The following NUMB variants were observed in gnomAD, a reference collection of about 807,000 sequenced individuals.
NUMB encodes protein numb homolog.
A neutral mutation model predicts 59.7 loss-of-function variants in NUMB; 29 were observed. The ratio of observed to expected loss-of-function variants is 0.49; its 90% confidence interval spans 0.36 to 0.66. The LOEUF (loss-of-function observed/expected upper bound fraction) is 0.66, where lower values mean the gene tolerates loss of function less well. Among genes scored for constraint, NUMB ranks in the 30% least tolerant of loss-of-function variants. NUMB has a pLI of 0.00. For missense variants in NUMB, 723 were observed against 822.0 expected (o/e 0.88, Z 1.47); for synonymous variants, 288 against 288.2 (o/e 1.00, Z 0.01).
chr14:73,434,225 C>G (rs78359992), intron 1 of NUMB, among the ~76,000 whole-genome samples: 1 of 152,142 alleles, frequency 6.6e-6, no homozygotes, highest in Non-Finnish European at 1.5e-5. Flanking sequence ...AGCTCTGGAG[C>G]CAAACTATCT....
intron 2 of NUMB, among the ~76,000 whole-genome samples, chr14:73,379,254 G>GT (rs1895114262): frequency 6.6e-6 from 1 of 152,060 alleles, no homozygotes; most frequent in African/African-American, 2.4e-5. Flanking sequence ...GGGAAAGCAC[G>GT]TAAGTGTTGC....
chr14:73,321,342 A>G (rs1279023206), intron 5 of NUMB, among the ~76,000 whole-genome samples: 1 of 152,152 alleles, frequency 6.6e-6, no homozygotes, highest in Non-Finnish European at 1.5e-5. Context: ...AGTATAAAAT[A>G]TTATTTAATG....
chr14:73,321,498 C>T (rs985876247), intron 5 of NUMB, among the ~76,000 whole-genome samples: 4 of 152,070 alleles, frequency 2.6e-5, no homozygotes, highest in Non-Finnish European at 5.9e-5. Flanking sequence ...CTCAGCCTCC[C>T]GAGTAACTGA....
At chr14:73,341,806 G>A (rs1892643885) in intron 4 of NUMB, among the ~76,000 whole-genome samples, 1 of 152,100 alleles carries the variant, frequency 6.6e-6, no homozygotes, top group Non-Finnish European at 1.5e-5. Context: ...TTTTTAAACT[G>A]TCATGAGTGA....
intron 4 of NUMB, among the ~76,000 whole-genome samples, chr14:73,330,645 G>A (rs1891921119): frequency 6.6e-6 from 1 of 152,156 alleles, no homozygotes; most frequent in Non-Finnish European, 1.5e-5. Flanking sequence ...AAAGTACTTA[G>A]AACCATGCCC....
intron 4 of NUMB, among the ~76,000 whole-genome samples, chr14:73,335,271 C>A: frequency 8.1e-6 from 1 of 123,700 alleles, no homozygotes. Context: ...TTCAATTGGT[C>A]ACATATAGCT....
chr14:73,442,949 A>C (rs1595045154), intron 1 of NUMB, among the ~76,000 whole-genome samples: 1 of 151,850 alleles, frequency 6.6e-6, no homozygotes, highest in Non-Finnish European at 1.5e-5. Context: ...TGCAACCTCT[A>C]CCTCCTCGGC....
intron 6 of NUMB, among the ~76,000 whole-genome samples, chr14:73,306,443 G>A (rs1275885626): frequency 6.6e-6 from 1 of 152,182 alleles, no homozygotes; most frequent in African/African-American, 2.4e-5. Flanking sequence ...TTCTCACAAT[G>A]AGTGATTCCA....
chr14:73,323,487 A>G (rs762563177), intron 4 of NUMB, among the ~76,000 whole-genome samples: 3 of 152,242 alleles, frequency 2.0e-5, no homozygotes, highest in Non-Finnish European at 2.9e-5. Flanking sequence ...AATTATTTCA[A>G]AAAGGTGTTA....
rs117799248 is a variant in NUMB, at chr14:73,348,939, T to C, written c.126+6687A>G. Among the ~76,000 whole-genome samples the C allele has an allele frequency of 6.8e-3, 1,041 of 152,288 alleles. 5 individuals carry two copies. The highest frequency in any genetic ancestry group is 0.03 in the South Asian group (144 of 4,820). ...ATCTGTGAATGAAGTGTTAAAAAAATTATAAATAGGATATATGCTCACAAG... is the reference window on the plus strand; with the variant it reads ...ATCTGTGAATGAAGTGTTAAAAAAACTATAAATAGGATATATGCTCACAAG... On this transcript the variant is annotated intron_variant, in intron 4 of 12. Transcript: ENST00000555238.
chr14:73,295,701 GA>G (rs1386935091), intron 7 of NUMB, among the ~76,000 whole-genome samples: 2 of 151,494 alleles, frequency 1.3e-5, no homozygotes, highest in Admixed American at 6.6e-5. Context: ...AGTGGCATTT[GA>G]ATTTTTTTTT....
rs1891493701 is a variant in NUMB, at chr14:73,323,197, C to T, written c.134G>A (p.Gly45Asp). 1 of 1,611,618 alleles carries T rather than the reference C, an allele frequency of 6.2e-7. No homozygotes were observed. The highest frequency in any genetic ancestry group is 1.7e-5 in the Admixed American group (1 of 59,940). The change falls in exon 5 of 13, where the codon GGC becomes GAC. Residue 45 changes from glycine (G) to aspartate (D), a missense_variant. Transcript: ENST00000555238. Reference protein sequence around the residue: ...GKCSFPVKYLGHVEVDESRGM... With the variant: ...GKCSFPVKYLDHVEVDESRGM... Reference sequence around the variant, plus strand: ...TCTTGATTCATCAACTTCTACATGGCCAAGGTACTGTAGAAAGAAGGAAAA... The same window carrying T: ...TCTTGATTCATCAACTTCTACATGGTCAAGGTACTGTAGAAAGAAGGAAAA...
At chr14:73,411,445 T>C (rs1896892352) in intron 1 of NUMB, among the ~76,000 whole-genome samples, 1 of 151,888 alleles carries the variant, frequency 6.6e-6, no homozygotes, top group Non-Finnish European at 1.5e-5. Context: ...AAGGTGAAAA[T>C]GTTCAGCTCA....
At chr14:73,425,467 A>G (rs1365108246) in intron 1 of NUMB, among the ~76,000 whole-genome samples, 1 of 152,008 alleles carries the variant, frequency 6.6e-6, no homozygotes, top group Non-Finnish European at 1.5e-5. Context: ...TCAGCCTCCC[A>G]AAGTGTTGAG....
intron 6 of NUMB, among the ~76,000 whole-genome samples, chr14:73,301,918 T>A (rs11621394): frequency 1.4e-4 from 21 of 151,816 alleles, no homozygotes; most frequent in East Asian, 3.9e-4. Flanking sequence ...CCATATCTAC[T>A]AAAAAATACA....
At chr14:73,316,672 T>C (rs1891101476) in intron 5 of NUMB, among the ~76,000 whole-genome samples, 1 of 152,218 alleles carries the variant, frequency 6.6e-6, no homozygotes, top group South Asian at 2.1e-4. Flanking sequence ...CCTGTATCCA[T>C]GCAGAGCAAC....
chr14:73,398,398 G>C (rs1481502297), intron 2 of NUMB, among the ~76,000 whole-genome samples: 1 of 111,308 alleles, frequency 9.0e-6, no homozygotes, highest in Admixed American at 8.4e-5. Flanking sequence ...CACACAGAGA[G>C]AGAGAGAGAG....
chr14:73,371,970 G>A (rs1256668356), intron 2 of NUMB, among the ~76,000 whole-genome samples: 1 of 152,064 alleles, frequency 6.6e-6, no homozygotes, highest in African/African-American at 2.4e-5. Context: ...AGTGGCTCAC[G>A]TCTGTAATCC....
chr14:73,431,415 C>T (rs1897823388), intron 1 of NUMB, among the ~76,000 whole-genome samples: 3 of 151,502 alleles, frequency 2.0e-5, no homozygotes, highest in Admixed American at 2.0e-4. Context: ...GCCACCATAC[C>T]TGACTAATTT....
Sources: gnomAD v4.1 joint callset for allele counts (sites outside exome capture counted in the v4.1 genomes callset) on GRCh38, gnomAD v4.1.1 for gene constraint, MANE v1.5 for transcripts, NCBI Gene and HGNC (gene_info 2026-07-23, HGNC 2026-07-21) for gene names.